Variants in GMDS observed in about 807,000 individuals in gnomAD.
GMDS encodes GDP-mannose 4,6-dehydratase.
A neutral mutation model predicts 49.9 loss-of-function variants in GMDS; 20 were observed. The ratio of observed to expected loss-of-function variants is 0.40; its 90% confidence interval spans 0.28 to 0.58. The LOEUF (loss-of-function observed/expected upper bound fraction) is 0.58. GMDS is among the 20% of genes least tolerant of loss of function. GMDS has a pLI of 0.42. For missense variants in GMDS, 362 were observed against 481.4 expected (o/e 0.75, Z 2.32); for synonymous variants, 177 against 178.6 (o/e 0.99, Z 0.07).
chr6:2,025,502 G>T (rs975255628), intron 4 of GMDS, among the ~76,000 whole-genome samples: 2 of 149,268 alleles, frequency 1.3e-5, no homozygotes, highest in Non-Finnish European at 3.0e-5. Flanking sequence ...ATGCACACAC[G>T]CACACACATA....
At chr6:2,005,640 A>G (rs906481779) in intron 4 of GMDS, among the ~76,000 whole-genome samples, 1 of 152,118 alleles carries the variant, frequency 6.6e-6, no homozygotes, top group African/African-American at 2.4e-5. Flanking sequence ...AATCCAGTAC[A>G]ACCTACCCAT....
intron 7 of GMDS, among the ~76,000 whole-genome samples, chr6:1,897,049 C>T (rs2113851174): frequency 6.6e-6 from 1 of 152,284 alleles, no homozygotes; most frequent in African/African-American, 2.4e-5. Context: ...GGAGGAGCAG[C>T]AGGTGAACAA....
At chr6:1,689,413 A>G (rs902161144) in intron 9 of GMDS, among the ~76,000 whole-genome samples, 2 of 152,226 alleles carry the variant, frequency 1.3e-5, no homozygotes, top group African/African-American at 4.8e-5. Flanking sequence ...TCTCATGAGT[A>G]ATGTCATCTA....
chr6:1,708,072 A>G (rs1222350024), intron 9 of GMDS, among the ~76,000 whole-genome samples: 1 of 152,248 alleles, frequency 6.6e-6, no homozygotes, highest in African/African-American at 2.4e-5. Context: ...AAACAAATAC[A>G]GCACTCATCC....
At chr6:1,790,156 C>T (rs1009439274) in intron 7 of GMDS, among the ~76,000 whole-genome samples, 2 of 152,166 alleles carry the variant, frequency 1.3e-5, no homozygotes, top group African/African-American at 4.8e-5. Context: ...ATCCTACTCA[C>T]TTGGTGAGAA....
intron 5 of GMDS, among the ~76,000 whole-genome samples, chr6:1,960,457 A>G (rs958181686): frequency 6.6e-6 from 1 of 152,104 alleles, no homozygotes; most frequent in East Asian, 1.9e-4. Flanking sequence ...GTATAATCTC[A>G]TAACAGTTTA....
chr6:2,149,346 C>T (rs1481803040), intron 1 of GMDS, among the ~76,000 whole-genome samples: 1 of 151,982 alleles, frequency 6.6e-6, no homozygotes, highest in East Asian at 1.9e-4. Context: ...TTAGCCACAC[C>T]ACCAGCAAAT....
At chr6:1,725,138 T>A (rs375924041) in intron 9 of GMDS, among the ~76,000 whole-genome samples, 2 of 141,936 alleles carry the variant, frequency 1.4e-5, no homozygotes, top group Admixed American at 1.4e-4. Context: ...TTTCAAAAAA[T>A]TCAATTTTCA....
chr6:1,763,318 GT>G (rs1768229504), intron 7 of GMDS, among the ~76,000 whole-genome samples: 1 of 152,250 alleles, frequency 6.6e-6, no homozygotes, highest in African/African-American at 2.4e-5. Context: ...TCTGATTTCA[GT>G]GAGAGGACTA....
At chr6:1,860,876 T>C (rs1398528088) in intron 7 of GMDS, among the ~76,000 whole-genome samples, 1 of 152,182 alleles carries the variant, frequency 6.6e-6, no homozygotes, top group African/African-American at 2.4e-5. Context: ...GAGAGGAACC[T>C]AGGCAGGTCT....
chr6:2,096,519 G>A (rs530620831), intron 4 of GMDS, among the ~76,000 whole-genome samples: 2 of 152,214 alleles, frequency 1.3e-5, no homozygotes, highest in South Asian at 2.1e-4. Flanking sequence ...GTAGTGGAAA[G>A]GACTACATTA....
At chr6:1,783,396 G>A (rs3800065) in intron 7 of GMDS, among the ~76,000 whole-genome samples, 47,043 of 151,942 alleles carry the variant, frequency 0.31, 8,235 homozygotes, top group East Asian at 0.52. Context: ...GGCATGTCCC[G>A]CAAAATTATA....
chr6:1,882,771 A>G (rs1179055498), intron 7 of GMDS, among the ~76,000 whole-genome samples: 1 of 152,228 alleles, frequency 6.6e-6, no homozygotes, highest in Non-Finnish European at 1.5e-5. Flanking sequence ...TGAAGTCATT[A>G]TCTAATGGAT....
At position 1,961,044 on chromosome 6, in the gene GMDS, C is replaced by T. The variant is rs962868259; in HGVS notation, c.346-78G>A. On this transcript the variant is annotated intron_variant, in intron 4 of 10. Transcript: ENST00000380815. ...GTGCTGTCAGCAGGAACAAAGACTA[C>T]AATTTCACACACTGTGAAATGTTGG... The T allele has an allele frequency of 1.4e-5, 10 of 697,840 alleles. No individual in the cohort carries two copies. The East Asian group carries it at 1.6e-4, about 11-fold the overall frequency. 43.2% of individuals were successfully genotyped at this position (697,840 alleles called of 1,614,324 possible).
chr6:1,673,827 G>A (rs185680145), intron 9 of GMDS, among the ~76,000 whole-genome samples: 103 of 151,886 alleles, frequency 6.8e-4, no homozygotes, highest in African/African-American at 2.4e-3. Flanking sequence ...TTCATTTAGC[G>A]ACATACATTT....
intron 6 of GMDS, among the ~76,000 whole-genome samples, chr6:1,938,651 C>T (rs1325866874): frequency 2.6e-5 from 4 of 151,946 alleles, no homozygotes; most frequent in Non-Finnish European, 5.9e-5. Context: ...CTACGCATGG[C>T]TTTCTGCTTG....
intron 7 of GMDS, among the ~76,000 whole-genome samples, chr6:1,771,911 T>C (rs1218265256): frequency 6.6e-6 from 1 of 152,104 alleles, no homozygotes; most frequent in Non-Finnish European, 1.5e-5. Flanking sequence ...AACATATATC[T>C]AGGAGGCAAT....
chr6:1,627,892 G>A (rs1762889522), intron 9 of GMDS, among the ~76,000 whole-genome samples: 1 of 152,106 alleles, frequency 6.6e-6, no homozygotes. Context: ...CTATTCCTTA[G>A]GTGAACTATA....
chr6:1,901,930 G>A (rs530865068), intron 7 of GMDS, among the ~76,000 whole-genome samples: 1 of 152,330 alleles, frequency 6.6e-6, no homozygotes, highest in African/African-American at 2.4e-5. Context: ...AGGGAAAAGG[G>A]CTACTGTGGG....
Sources: allele counts gnomAD v4.1 joint callset (sites outside exome capture counted in the v4.1 genomes callset), GRCh38; gene constraint gnomAD v4.1.1; transcripts MANE v1.5; gene names NCBI Gene and HGNC (gene_info 2026-07-23, HGNC 2026-07-21).